Variants in AP3D1 observed in about 807,000 individuals in gnomAD.
AP3D1 encodes the protein AP-3 complex subunit delta-1.
In AP3D1, 51 loss-of-function variants were observed where a neutral mutation model predicts 147.6. The observed-to-expected ratio is 0.35, with a 90% CI of 0.28 to 0.44. The LOEUF is 0.44. AP3D1 is among the 20% of genes least tolerant of loss of function. The probability of loss-of-function intolerance (pLI) is 1.00; values close to 1 mark genes in which losing one functional copy is unlikely to be tolerated. For synonymous variants in AP3D1, 760 were observed against 663.0 expected, an observed-to-expected ratio of 1.15 and a Z score of -2.25; for missense variants, 1,421 against 1,624.2, an observed-to-expected ratio of 0.87 and a Z score of 2.15.
chr19:2,111,010 G>T, intron 26 of AP3D1, 114 bp from the exon 27 acceptor site: 1 of 1,225,986 alleles, frequency 8.2e-7, no homozygotes, highest in Non-Finnish European at 1.1e-6. Flanking sequence ...GCACAGGAAG[G>T]CACGGAGAGG....
chr19:2,159,741 C>T (rs2019680432), intron 1 of AP3D1, among the ~76,000 whole-genome samples: 1 of 150,030 alleles, frequency 6.7e-6, no homozygotes, highest in East Asian at 2.0e-4. Context: ...TGTTCTGTCT[C>T]CCAGGCTGGA....
chr19:2,147,753 A>G (rs1312948428), intron 1 of AP3D1, among the ~76,000 whole-genome samples: 1 of 149,538 alleles, frequency 6.7e-6, no homozygotes, highest in African/African-American at 2.5e-5. Context: ...AATTAGCTGG[A>G]TGTGGTGGCA....
upstream of AP3D1, among the ~76,000 whole-genome samples, chr19:2,153,387 G>A (rs553197055): frequency 2.9e-5 from 4 of 138,122 alleles, no homozygotes; most frequent in Admixed American, 1.4e-4. Flanking sequence ...AAAGAAGTGG[G>A]GGGGGGGACC....
chr19:2,122,572 T>A (rs930235260), intron 11 of AP3D1, among the ~76,000 whole-genome samples: 3 of 152,202 alleles, frequency 2.0e-5, no homozygotes, highest in Non-Finnish European at 4.4e-5. Flanking sequence ...TTCTGACACG[T>A]CTGTGCCTAT....
intron 1 of AP3D1, among the ~76,000 whole-genome samples, chr19:2,147,788 G>A (rs2019399480): frequency 6.6e-6 from 1 of 151,570 alleles, no homozygotes; most frequent in Non-Finnish European, 1.5e-5. Context: ...CAGCTGCTTG[G>A]GAGGTTGAGT....
intron 9 of AP3D1, among the ~76,000 whole-genome samples, chr19:2,125,701 G>T (rs984745223): frequency 2.0e-5 from 3 of 152,098 alleles, no homozygotes; most frequent in Non-Finnish European, 4.4e-5. Context: ...AGGAACAAAT[G>T]TATTTTAAAC....
rs1222675683 is a variant in AP3D1 at position 2,117,296 on chromosome 19, C to G, written c.1785G>C (p.Glu595Asp). The G allele has an allele frequency of 6.2e-7, 1 of 1,612,964 alleles. No homozygotes were observed. The highest frequency in any genetic ancestry group is 2.2e-5 in the East Asian group (1 of 44,858). Residue 595 changes from glutamate to aspartate, a missense_variant, in exon 16 of 32, where the codon GAG becomes GAC. Physicochemically the swap from Glu to Asp is conservative, Grantham distance 45. Transcript: ENST00000643116. ...GCTCCCCAGCAAAGAGAGCGCTGAC[C>G]TCCTCTGCCACAGGCACGTCCTTGG... ...LQAKDVPVAE[E>D]VSALFAGELN... is the part of the protein sequence containing the mutation.
At chr19:2,105,146 T>C (rs1307321470) in intron 31 of AP3D1, among the ~76,000 whole-genome samples, 4 of 152,192 alleles carry the variant, frequency 2.6e-5, no homozygotes, top group Admixed American at 2.6e-4. Context: ...ACTGGTGAGC[T>C]TGGCAAGAGA....
At chr19:2,147,204 G>C (rs2019378967) in intron 1 of AP3D1, among the ~76,000 whole-genome samples, 1 of 152,060 alleles carries the variant, frequency 6.6e-6, no homozygotes, top group South Asian at 2.1e-4. Context: ...AAATTAGCCG[G>C]GGTGGTGGCA....
chr19:2,136,746 G>A (rs188359070), intron 4 of AP3D1, among the ~76,000 whole-genome samples: 22 of 152,266 alleles, frequency 1.4e-4, no homozygotes, highest in East Asian at 5.8e-4. Context: ...CCCATTCGCC[G>A]GCCCCTCCAG....
chr19:2,145,320 C>G (rs2019327440), intron 1 of AP3D1, among the ~76,000 whole-genome samples: 1 of 152,190 alleles, frequency 6.6e-6, no homozygotes, highest in South Asian at 2.1e-4. Flanking sequence ...AGCAGGCCAC[C>G]CGGGGTCCCC....
intron 26 of AP3D1, 48 bp from the exon 27 acceptor site, chr19:2,110,944 G>C (rs1478839946): frequency 6.3e-7 from 1 of 1,581,408 alleles, no homozygotes; most frequent in East Asian, 2.2e-5. Flanking sequence ...CCGCCACAGG[G>C]AACAGGCACA....
At chr19:2,108,419 G>A (rs1330921669) in intron 31 of AP3D1, among the ~76,000 whole-genome samples, 1 of 152,168 alleles carries the variant, frequency 6.6e-6, no homozygotes, top group Non-Finnish European at 1.5e-5. Flanking sequence ...GTGGGGTGGT[G>A]GGCAGGAGTG....
At chr19:2,146,090 C>T (rs2019349292) in intron 1 of AP3D1, among the ~76,000 whole-genome samples, 1 of 152,164 alleles carries the variant, frequency 6.6e-6, no homozygotes, top group African/African-American at 2.4e-5. Flanking sequence ...CACATGGAAA[C>T]CACCCACATG....
intron 9 of AP3D1, among the ~76,000 whole-genome samples, chr19:2,126,178 A>C (rs2018749726): frequency 6.6e-6 from 1 of 152,156 alleles, no homozygotes; most frequent in South Asian, 2.1e-4. Context: ...CGGCCTCCTG[A>C]ATAGCTGGGC....
At chr19:2,153,741 A>T (rs985250110), upstream of AP3D1, among the ~76,000 whole-genome samples, 14 of 151,998 alleles carry the variant, frequency 9.2e-5, no homozygotes, top group African/African-American at 3.4e-4. Context: ...GGATGTATTC[A>T]TGCATTTCTA....
In AP3D1 at chr19:2,118,583, C is replaced by A. The variant is rs748973612; in HGVS notation, c.1713+18G>T. 6.3e-7 allele frequency: 1 copy of A among 1,598,296 alleles called. No homozygotes were observed. Among genetic ancestry groups the A allele is most frequent in the South Asian group, 1.1e-5 (1 of 90,656 alleles). On this transcript the variant is annotated intron_variant, in intron 15 of 31. Coordinates refer to ENST00000643116, the MANE Select transcript of AP3D1 (RefSeq NM_001261826.3). ...GGGCTCCCTGAGGCTCGGCCCAACACGGAGTGTTGGATCTTACCCGCTCCT... is the reference window on the plus strand; with the variant it reads ...GGGCTCCCTGAGGCTCGGCCCAACAAGGAGTGTTGGATCTTACCCGCTCCT...
chr19:2,161,460 C>T (rs1043883798), intron 1 of AP3D1, among the ~76,000 whole-genome samples: 3 of 152,024 alleles, frequency 2.0e-5, no homozygotes, highest in Non-Finnish European at 4.4e-5. Context: ...CCGCTCCTGG[C>T]TGTCTGGGCC....
At chr19:2,111,546 C>T in intron 25 of AP3D1, 133 bp downstream of exon 25, 1 of 1,314,940 alleles carries the variant, frequency 7.6e-7, no homozygotes, top group Non-Finnish European at 1.0e-6. Context: ...GGGCCAGTCC[C>T]CTGCCCCCGC....
Sources: gnomAD v4.1 joint callset for allele counts (sites outside exome capture counted in the v4.1 genomes callset) on GRCh38, gnomAD v4.1.1 for gene constraint, MANE v1.5 for transcripts, NCBI Gene and HGNC (gene_info 2026-07-23, HGNC 2026-07-21) for gene names.